The following SART3 variants were observed in gnomAD, a reference collection of about 807,000 sequenced individuals.
SART3 encodes the protein HIV-1 Tat-interacting protein of 110kDa.
SART3 carries 44 observed loss-of-function variants against 122.3 expected under a neutral mutation model. That is an observed-to-expected ratio of 0.36 (90% CI 0.28 to 0.46). SART3 has a LOEUF of 0.46. SART3 is among the 20% of genes least tolerant of loss of function. The pLI is 1.00. For missense variants in SART3, 1,101 were observed against 1,229.0 expected, an observed-to-expected ratio of 0.90 and a Z score of 1.56; for synonymous variants, 442 against 454.0, an observed-to-expected ratio of 0.97 and a Z score of 0.34.
At chr12:108,554,436 G>C (rs983427104) in intron 1 of SART3, among the ~76,000 whole-genome samples, 19 of 151,920 alleles carry the variant, frequency 1.3e-4, no homozygotes, top group African/African-American at 4.4e-4. Context: ...AGGAATGCAA[G>C]GGTGTTTTTA....
chr12:108,547,175 T>C (rs951456781), intron 3 of SART3, among the ~76,000 whole-genome samples: 1 of 152,198 alleles, frequency 6.6e-6, no homozygotes, highest in African/African-American at 2.4e-5. Context: ...TGGTCCCCAA[T>C]TCACATGGAG....
At chr12:108,550,633 C>T (rs768538544) in intron 1 of SART3, among the ~76,000 whole-genome samples, 3 of 152,042 alleles carry the variant, frequency 2.0e-5, no homozygotes, top group South Asian at 2.1e-4. Flanking sequence ...GAGGCCAAAG[C>T]GGGCAGATCA....
chr12:108,543,022 A>G lies in SART3; in HGVS notation c.906+6T>C. 5 of 1,614,216 alleles carry G rather than the reference A, an allele frequency of 3.1e-6. No individual in the cohort carries two copies. Among genetic ancestry groups the G allele is most frequent in the Non-Finnish European group, 4.2e-6 (5 of 1,180,034 alleles). ...GACGTTTACTATAAAAGAAGCCAAC[A>G]CTTACCAGTGCTTCTTCATAGGGTT... On this transcript the variant is annotated splice_donor_region_variant and intron_variant, in intron 6 of 18. Coordinates refer to ENST00000546815, the MANE Select transcript of SART3 (RefSeq NM_014706.4).
In SART3 at chr12:108,545,237, C is replaced by G. The variant is rs747354165; in HGVS notation, c.631G>C (p.Glu211Gln). 1 of 1,614,198 alleles carries G rather than the reference C, an allele frequency of 6.2e-7. No individual in the cohort carries two copies. The highest frequency in any genetic ancestry group is 8.5e-7 in the Non-Finnish European group (1 of 1,180,036). The change falls in exon 4 of 19, where the codon GAA (glutamate) becomes CAA (glutamine). Residue 211 changes from glutamate (E) to glutamine (Q), a missense_variant. Around this residue, in one of 2 missense-constraint regions of SART3, gnomAD observed 885 missense variants for 1,080.1 expected, o/e 0.82. Coordinates refer to ENST00000546815, the MANE Select transcript of SART3 (RefSeq NM_014706.4). ...GGLEKVRSVF[E>Q]RALSSVGLHM... ...AAACCAACAGACGAGAGAGCCCTTTCAAACACGGAGCGAACTTTCTCAAGG... is the reference window on the plus strand; with the variant it reads ...AAACCAACAGACGAGAGAGCCCTTTGAAACACGGAGCGAACTTTCTCAAGG...
chr12:108,560,680 G>A, intron 1 of SART3, 163 bp downstream of exon 1: 4 of 589,110 alleles, frequency 6.8e-6, no homozygotes, highest in Non-Finnish European at 2.9e-6. Context: ...AAGGCAATGG[G>A]CAGGCAGTAA....
intron 1 of SART3, among the ~76,000 whole-genome samples, chr12:108,551,934 G>A (rs537745783): frequency 6.6e-6 from 1 of 151,654 alleles, no homozygotes; most frequent in African/African-American, 2.4e-5. Flanking sequence ...AAATAAGTAG[G>A]ATGCTACTAA....
In SART3 at chr12:108,524,496, T is replaced by A. The variant is rs141976625; in HGVS notation, c.2534A>T (p.Tyr845Phe). The change falls in exon 18 of 19, where the codon TAC becomes TTC. Residue 845 changes from tyrosine (Y) to phenylalanine (F), a missense_variant. Tyr to Phe is a conservative substitution (Grantham distance 22, BLOSUM62 3). This residue lies in a region of SART3 where 885 missense variants were observed against 1,080.1 expected (regional missense o/e 0.82). Coordinates refer to ENST00000546815, the MANE Select transcript of SART3 (RefSeq NM_014706.4). ...NRAGKPKGLA[Y>F]VEYENESQAS... ...CTGGGATTCATTTTCATACTCCACG[T>A]AGGCCAGGCCCTGGAAGAGGCAAGA... 6.2e-7 allele frequency: 1 copy of A among 1,614,180 alleles called. No individual in the cohort carries two copies. The highest frequency in any genetic ancestry group is 8.5e-7 in the Non-Finnish European group (1 of 1,180,024).
At chr12:108,524,039 G>A (rs1178924554) in intron 18 of SART3, 1 of 564,470 alleles carries the variant, frequency 1.8e-6, no homozygotes, top group East Asian at 3.1e-5. Flanking sequence ...AGATCCAACT[G>A]GCAAAGGGGA....
chr12:108,560,938 C>T lies in SART3; in HGVS notation c.217G>A (p.Ala73Thr). ...CCGGGGGAGCTCTCCGCGGAGGAAG[C>T]CATGGCGTACTCATCCCCATCGCTC... ...SESDGDEYAM[A>T]SSAESSPGEY... The change falls in exon 1 of 19, where the codon GCT (alanine) becomes ACT (threonine). Residue 73 changes from alanine to threonine, a missense_variant. Transcript: ENST00000546815. The T allele has an allele frequency of 6.2e-7, 1 of 1,613,958 alleles. No homozygotes were observed. Among genetic ancestry groups the T allele is most frequent in the Non-Finnish European group, 8.5e-7 (1 of 1,179,942 alleles).
At chr12:108,523,965 G>A (rs1872251162) in intron 18 of SART3, 1 of 553,856 alleles carries the variant, frequency 1.8e-6, no homozygotes, top group African/African-American at 1.9e-5. Flanking sequence ...CACAGCTTAT[G>A]TGGATCATAG....
At position 108,538,162 on chromosome 12, in the gene SART3, A is replaced by G. The variant is rs374804422; in HGVS notation, c.1104T>C (p.His368=). The part of the protein sequence containing the change: ...LKVKDLVLSV[H]NRAIRNCPWT... Reference sequence around the variant, plus strand: ...AGGGGCAGTTTCTAATAGCGCGGTTATGTACAGATAAAACCAAATCCTTTA... The same window carrying G: ...AGGGGCAGTTTCTAATAGCGCGGTTGTGTACAGATAAAACCAAATCCTTTA... The change falls in exon 8 of 19, where the codon CAT becomes CAC. Residue 368 remains histidine, a synonymous_variant. Transcript: ENST00000546815. 6.8e-6 allele frequency: 11 copies of G among 1,614,076 alleles called. No individual in the cohort carries two copies. Among genetic ancestry groups the G allele is most frequent in the African/African-American group, 1.3e-5 (1 of 74,932 alleles).
chr12:108,557,124 T>C (rs2030254428), intron 1 of SART3, among the ~76,000 whole-genome samples: 2 of 152,128 alleles, frequency 1.3e-5, no homozygotes, highest in Admixed American at 1.3e-4. Flanking sequence ...TTAAAAGAGC[T>C]ATTTCCACAT....
Position 108,526,518 on chromosome 12 carries a change from T to A in SART3, c.1951A>T (p.Ile651Phe). The A allele has an allele frequency of 6.2e-7, 1 of 1,614,150 alleles. No individual in the cohort carries two copies. The highest frequency in any genetic ancestry group is 8.5e-7 in the Non-Finnish European group (1 of 1,180,044). Residue 651 changes from isoleucine (I) to phenylalanine (F), a missense_variant, in exon 16 of 19, where the codon ATC (isoleucine) becomes TTC (phenylalanine). Transcript: ENST00000546815. Reference sequence around the variant, plus strand: ...TTTTGTGTTTCTCCAGCTGCAGGGATGCTGTTCTCGACCCTTCTGCGTTTG... The same window carrying A: ...TTTTGTGTTTCTCCAGCTGCAGGGAAGCTGTTCTCGACCCTTCTGCGTTTG... Reference protein sequence around the residue: ...PSKRRRVENSIPAAGETQNVE... With the variant: ...PSKRRRVENSFPAAGETQNVE...
intron 1 of SART3, 39 bp from the exon 2 acceptor site, chr12:108,549,253 T>G (rs1383519120): frequency 1.2e-6 from 2 of 1,608,938 alleles, no homozygotes; most frequent in Admixed American, 3.3e-5. Flanking sequence ...TAAAACACCG[T>G]CATCAAGTAA....
At chr12:108,525,963 C>T in intron 16 of SART3, 136 bp downstream of exon 16, 1 of 775,800 alleles carries the variant, frequency 1.3e-6, no homozygotes. Flanking sequence ...CAGGATGGAC[C>T]TTGGCTCACA....
chr12:108,533,388 C>CAAA (rs34737993), intron 12 of SART3, among the ~76,000 whole-genome samples: 42 of 129,972 alleles, frequency 3.2e-4, no homozygotes, highest in African/African-American at 9.6e-4. Flanking sequence ...TGGTTATTGC[C>CAAA]AAAAAAAAAA....
At chr12:108,550,246 G>A (rs1187143280) in intron 1 of SART3, among the ~76,000 whole-genome samples, 1 of 152,142 alleles carries the variant, frequency 6.6e-6, no homozygotes, top group Non-Finnish European at 1.5e-5. Flanking sequence ...TCTTCGAACA[G>A]AAAAGTTAGA....
intron 7 of SART3, 146 bp from the exon 8 acceptor site, chr12:108,538,349 T>C: frequency 1.1e-6 from 1 of 951,758 alleles, no homozygotes. Flanking sequence ...AACAAAAAAA[T>C]CACTAAGGGG....
rs751740249 is a variant in SART3, at chr12:108,560,870, C to T, written c.285G>A (p.Gln95=). The change falls in exon 1 of 19, where the codon CAG becomes CAA. Residue 95 remains glutamine, a synonymous_variant. Coordinates refer to ENST00000546815, the MANE Select transcript of SART3 (RefSeq NM_014706.4). ...GCTCCTCCAGTCTCTCAATCTCCAG[C>T]TGGTTTTTCTCCTCCTCTTCGTCAT... ...WEYDEEEEKN[Q]LEIERLEEQL... is the part of the protein sequence containing the mutation. 5 of 1,602,290 alleles carry T rather than the reference C, an allele frequency of 3.1e-6. No homozygotes were observed. The South Asian group carries it at 5.6e-5, about 18-fold the overall frequency.
Sources: gnomAD v4.1 joint callset for allele counts (sites outside exome capture counted in the v4.1 genomes callset) on GRCh38, gnomAD v4.1.1 for gene constraint, gnomAD v4.1.1 regional missense constraint, MANE v1.5 for transcripts, NCBI Gene and HGNC (gene_info 2026-07-23, HGNC 2026-07-21) for gene names.